Variants in ARHGAP39 observed in about 807,000 individuals in gnomAD.
ARHGAP39 encodes the protein rho GTPase-activating protein 39.
ARHGAP39 carries 44 observed loss-of-function variants against 106.9 expected under a neutral mutation model. The ratio of observed to expected loss-of-function variants is 0.41; its 90% confidence interval spans 0.32 to 0.53. The LOEUF (loss-of-function observed/expected upper bound fraction) is 0.53, where lower values mean the gene tolerates loss of function less well. Among genes scored for constraint, ARHGAP39 ranks in the 20% least tolerant of loss-of-function variants. The pLI is 0.21. For missense variants in ARHGAP39, 1,496 were observed against 1,577.3 expected (o/e 0.95, Z 0.87); for synonymous variants, 768 against 693.2 (o/e 1.11, Z -1.69).
At chr8:144,623,489 C>G (rs1375835520) in intron 1 of ARHGAP39, among the ~76,000 whole-genome samples, 1 of 152,184 alleles carries the variant, frequency 6.6e-6, no homozygotes, top group Non-Finnish European at 1.5e-5. Flanking sequence ...AGAGCTGATG[C>G]GGCTCCATCG....
chr8:144,645,546 T>C lies in ARHGAP39; in HGVS notation c.-81-39851A>G, dbSNP rs888431266. 5.9e-5 allele frequency among the ~76,000 whole-genome samples: 9 copies of C among 152,128 alleles called. No individual in the cohort carries two copies. The highest frequency in any genetic ancestry group is 1.0e-4 in the Non-Finnish European group (7 of 67,994). On this transcript the variant is annotated intron_variant, in intron 1 of 11. Transcript: ENST00000377307. This position sits in a 1 kb window ranked among gnomAD's most constrained non-coding sequence, Gnocchi z 4.4. ...CTCTGGTCTCTCCTGGCAGAGTCAC[T>C]GAAGGGCTCCATGAGGGCAGGGCCT...
chr8:144,532,229 G>A, intron 10 of ARHGAP39, 76 bp downstream of exon 10: 2 of 1,296,950 alleles, frequency 1.5e-6, no homozygotes, highest in Non-Finnish European at 2.2e-6. Flanking sequence ...GTGGACCCCA[G>A]AGGCGGAGAC....
At chr8:144,583,663 T>G (rs532243823) in intron 2 of ARHGAP39, among the ~76,000 whole-genome samples, 11 of 152,330 alleles carry the variant, frequency 7.2e-5, no homozygotes, top group African/African-American at 2.6e-4. Context: ...CTGGCTGGAA[T>G]TCTATTCTGA....
chr8:144,571,415 G>A (rs1818582620), intron 3 of ARHGAP39, among the ~76,000 whole-genome samples: 1 of 152,108 alleles, frequency 6.6e-6, no homozygotes, highest in South Asian at 2.1e-4. Flanking sequence ...ATGCAGAAAA[G>A]GCCTTCAACA....
chr8:144,607,773 C>T (rs557983679), intron 1 of ARHGAP39, among the ~76,000 whole-genome samples: 32 of 152,354 alleles, frequency 2.1e-4, no homozygotes, highest in Middle Eastern at 3.4e-3. Flanking sequence ...GGGGTAACCA[C>T]CTCCTTAGAG....
the ARHGAP39 span, among the ~76,000 whole-genome samples, chr8:144,693,664 C>T: frequency 1.7e-4 from 26 of 152,342 alleles, no homozygotes; most frequent in South Asian, 5.4e-3. Context: ...TGAGCCACCG[C>T]GCCCAGCCGC....
chr8:144,642,772 A>G (rs1047987010), intron 1 of ARHGAP39, among the ~76,000 whole-genome samples: 1 of 152,072 alleles, frequency 6.6e-6, no homozygotes, highest in East Asian at 1.9e-4. Flanking sequence ...GGCCTCCCCA[A>G]CTGTGTTGAA....
Position 144,545,605 on chromosome 8 carries a change from C to T in ARHGAP39, c.2165G>A (p.Trp722Ter). 1 of 1,613,766 alleles carries T rather than the reference C, an allele frequency of 6.2e-7. No individual in the cohort carries two copies. Among genetic ancestry groups the T allele is most frequent in the Non-Finnish European group, 8.5e-7 (1 of 1,180,016 alleles). The change falls in exon 6 of 12, where the codon TGG becomes TAG. Residue 722 changes from tryptophan (W) to a stop codon, truncating the protein, a stop_gained. Transcript: ENST00000377307. LOFTEE classifies it high-confidence loss of function. ...RKVSIANMLA[W>*]SSESIKKPMI... Reference sequence around the variant, plus strand: ...GGGCTTCTTGATGGACTCGCTGCTCCAGGCCAGCATGTTGGCGATGGACAC... The same window carrying T: ...GGGCTTCTTGATGGACTCGCTGCTCTAGGCCAGCATGTTGGCGATGGACAC...
chr8:144,609,086 T>C (rs1820394270), intron 1 of ARHGAP39, among the ~76,000 whole-genome samples: 2 of 152,262 alleles, frequency 1.3e-5, no homozygotes, highest in South Asian at 4.1e-4. Flanking sequence ...GTATTATTAC[T>C]GAACACAATT....
chr8:144,603,707 A>T (rs1160393418), intron 2 of ARHGAP39, among the ~76,000 whole-genome samples: 1 of 149,644 alleles, frequency 6.7e-6, no homozygotes, highest in Non-Finnish European at 1.5e-5. Flanking sequence ...AAAAAAAAAG[A>T]GGCCAAAAAG....
At chr8:144,603,286 T>C (rs1044632106) in intron 2 of ARHGAP39, among the ~76,000 whole-genome samples, 1 of 151,322 alleles carries the variant, frequency 6.6e-6, no homozygotes, top group Non-Finnish European at 1.5e-5. Flanking sequence ...GAGGTGTGTG[T>C]GCGTGCTCGT....
At chr8:144,696,744 A>G in the ARHGAP39 span, among the ~76,000 whole-genome samples, 1 of 152,328 alleles carries the variant, frequency 6.6e-6, no homozygotes, top group South Asian at 2.1e-4. Flanking sequence ...AATGTTGTGC[A>G]CTTATCACCA....
chr8:144,661,239 AG>A (rs1450540757), intron 1 of ARHGAP39, among the ~76,000 whole-genome samples: 2 of 152,172 alleles, frequency 1.3e-5, no homozygotes, highest in Non-Finnish European at 2.9e-5. Context: ...TACACACAGG[AG>A]GAGGCCATTC....
rs1391110365 is a variant in ARHGAP39 at position 144,534,866 on chromosome 8, G to A, written c.2615-664C>T. On this transcript the variant is annotated intron_variant, in intron 7 of 11. Coordinates refer to ENST00000377307, the MANE Select transcript of ARHGAP39 (RefSeq NM_025251.3). ...GTGCCTGAGTCAGCACCTGATGAGG[G>A]ACTCAGGGACCTCAGCCTGGGGAGT... Among the ~76,000 whole-genome samples the A allele has an allele frequency of 6.6e-5, 10 of 152,318 alleles. No individual in the cohort carries two copies. The East Asian group carries it at 1.7e-3, about 26-fold the overall frequency.
chr8:144,576,362 G>GA (rs914862327), intron 3 of ARHGAP39, among the ~76,000 whole-genome samples: 1 of 132,314 alleles, frequency 7.6e-6, no homozygotes, highest in Non-Finnish European at 1.6e-5. Flanking sequence ...AAAAAAGAAC[G>GA]AAAAAAAACC....
intron 1 of ARHGAP39, among the ~76,000 whole-genome samples, chr8:144,678,175 T>G (rs1054030772): frequency 2.0e-5 from 3 of 150,856 alleles, no homozygotes; most frequent in Non-Finnish European, 4.4e-5. Context: ...GAGGCCGAGG[T>G]GGGAGGATCA....
chr8:144,622,637 A>G (rs1820834906), intron 1 of ARHGAP39, among the ~76,000 whole-genome samples: 1 of 152,258 alleles, frequency 6.6e-6, no homozygotes, highest in African/African-American at 2.4e-5. Flanking sequence ...AGAGTAAACT[A>G]TGCAGCTTTG....
intron 2 of ARHGAP39, among the ~76,000 whole-genome samples, chr8:144,592,170 G>A (rs1482101760): frequency 1.3e-5 from 2 of 152,194 alleles, no homozygotes; most frequent in Non-Finnish European, 2.9e-5. Context: ...TCCCTTTTCA[G>A]TGCACTCCTG....
intron 3 of ARHGAP39, among the ~76,000 whole-genome samples, chr8:144,579,924 G>T (rs1290551452): frequency 2.0e-5 from 3 of 152,000 alleles, no homozygotes; most frequent in Admixed American, 2.0e-4. Context: ...CAGTGGCCAG[G>T]CCTGTCTGCC....
Sources: allele counts gnomAD v4.1 joint callset (sites outside exome capture counted in the v4.1 genomes callset), GRCh38; gene constraint gnomAD v4.1.1; non-coding constraint Gnocchi (gnomAD v3.1); transcripts MANE v1.5; gene names NCBI Gene and HGNC (gene_info 2026-07-23, HGNC 2026-07-21).